BLTP3B: variants seen among roughly 807,000 people sequenced by gnomAD.
BLTP3B encodes the protein UHRF1 (ICBP90) binding protein 1-like.
the BLTP3B span, among the ~76,000 whole-genome samples, chr12:100,043,176 C>G: frequency 8.5e-5 from 13 of 152,194 alleles, no homozygotes; most frequent in African/African-American, 3.1e-4. Context: ...TTCATATGCA[C>G]TGGTAAACTG....
the BLTP3B span, among the ~76,000 whole-genome samples, chr12:100,113,459 T>C: frequency 1.3e-5 from 2 of 151,938 alleles, no homozygotes; most frequent in Non-Finnish European, 2.9e-5. Context: ...TAAGACTCTG[T>C]GTAAAAAAAA....
chr12:100,063,115 G>A, the BLTP3B span, among the ~76,000 whole-genome samples: 1 of 152,194 alleles, frequency 6.6e-6, no homozygotes, highest in Non-Finnish European at 1.5e-5. Flanking sequence ...ACGTAGCAGT[G>A]TGTGGAGGCT....
chr12:100,038,627 C>T, the BLTP3B span, among the ~76,000 whole-genome samples: 1 of 152,132 alleles, frequency 6.6e-6, no homozygotes, highest in Non-Finnish European at 1.5e-5. Flanking sequence ...TGAGCCACAG[C>T]GCCCTACAGA....
At chr12:100,104,196 CT>C in the BLTP3B span, among the ~76,000 whole-genome samples, 1 of 143,994 alleles carries the variant, frequency 6.9e-6, no homozygotes, top group East Asian at 2.0e-4. Context: ...ATTGTAAGTT[CT>C]TTTTTTCTTT....
chr12:100,067,015 C>T, the BLTP3B span, among the ~76,000 whole-genome samples: 1 of 152,060 alleles, frequency 6.6e-6, no homozygotes, highest in African/African-American at 2.4e-5. Flanking sequence ...TGGAATAAAA[C>T]TGGAAATCTA....
the BLTP3B span, chr12:100,039,777 A>C: frequency 6.2e-7 from 1 of 1,612,266 alleles, no homozygotes. Flanking sequence ...TCCAGTGTTA[A>C]GCATGTGAGA....
chr12:100,135,501 T>C, the BLTP3B span, among the ~76,000 whole-genome samples: 1 of 152,040 alleles, frequency 6.6e-6, no homozygotes, highest in Non-Finnish European at 1.5e-5. Context: ...ACTCCTGGCC[T>C]GAAGTGATCT....
At chr12:100,133,438 T>C in the BLTP3B span, among the ~76,000 whole-genome samples, 13 of 152,164 alleles carry the variant, frequency 8.5e-5, no homozygotes, top group Admixed American at 8.5e-4. Context: ...AAGAATCTCC[T>C]AAGGGATACT....
At chr12:100,097,598 A>G in the BLTP3B span, 4 of 1,355,510 alleles carry the variant, frequency 3.0e-6, no homozygotes, top group South Asian at 3.1e-5. Flanking sequence ...GTATATTCTC[A>G]GTTAATTTTC....
the BLTP3B span, among the ~76,000 whole-genome samples, chr12:100,072,142 A>G: frequency 6.6e-6 from 1 of 152,218 alleles, no homozygotes; most frequent in Admixed American, 6.5e-5. Context: ...CATGCCTGTA[A>G]TCCCAGCTAC....
At chr12:100,078,974 C>T in the BLTP3B span, among the ~76,000 whole-genome samples, 5 of 152,200 alleles carry the variant, frequency 3.3e-5, no homozygotes, top group Non-Finnish European at 5.9e-5. Flanking sequence ...CACAAGCTCT[C>T]TCTTTGCCTG....
the BLTP3B span, chr12:100,086,480 G>A: frequency 2.0e-5 from 12 of 602,200 alleles, no homozygotes; most frequent in South Asian, 4.6e-5. Context: ...CTTTTATGAC[G>A]GCACATTAAG....
At chr12:100,073,636 T>C in the BLTP3B span, among the ~76,000 whole-genome samples, 1 of 152,034 alleles carries the variant, frequency 6.6e-6, no homozygotes, top group African/African-American at 2.4e-5. Context: ...CAATAAAAAA[T>C]TAATTTAAAA....
chr12:100,097,056 G>A, the BLTP3B span, among the ~76,000 whole-genome samples: 1 of 151,752 alleles, frequency 6.6e-6, no homozygotes, highest in South Asian at 2.1e-4. Flanking sequence ...ATCAAGCCTG[G>A]GCAATATAGT....
the BLTP3B span, among the ~76,000 whole-genome samples, chr12:100,134,180 A>G: frequency 6.6e-6 from 1 of 152,214 alleles, no homozygotes; most frequent in Non-Finnish European, 1.5e-5. Flanking sequence ...TCAACTCACA[A>G]TTCGCTTCCC....
At chr12:100,083,397 T>A in the BLTP3B span, among the ~76,000 whole-genome samples, 1 of 152,058 alleles carries the variant, frequency 6.6e-6, no homozygotes, top group South Asian at 2.1e-4. Context: ...AAAAATGACA[T>A]ATTTACATAG....
chr12:100,038,224 A>G, the BLTP3B span, among the ~76,000 whole-genome samples: 1 of 152,118 alleles, frequency 6.6e-6, no homozygotes, highest in Non-Finnish European at 1.5e-5. Flanking sequence ...CTTCTCTTGT[A>G]TTGAGTCACT....
the BLTP3B span, among the ~76,000 whole-genome samples, chr12:100,134,436 T>G: frequency 3.1e-3 from 467 of 151,832 alleles, 1 homozygote; most frequent in African/African-American, 0.01. Context: ...TAAAACCTCA[T>G]CTCTACTAAA....
the BLTP3B span, chr12:100,059,511 T>A: frequency 1.6e-5 from 25 of 1,599,642 alleles, no homozygotes. Flanking sequence ...ACATTCAGAT[T>A]TCACTTCAGA....
Sources: allele counts gnomAD v4.1 joint callset (sites outside exome capture counted in the v4.1 genomes callset), GRCh38; gene constraint gnomAD v4.1.1; transcripts MANE v1.5; gene names NCBI Gene and HGNC (gene_info 2026-07-23, HGNC 2026-07-21).